SYNPR: variants seen among roughly 807,000 people sequenced by gnomAD.
SYNPR encodes the protein synaptoporin.
SYNPR carries 23 observed loss-of-function variants against 32.9 expected under a neutral mutation model. The observed-to-expected ratio is 0.70, with a 90% CI of 0.50 to 0.99. The LOEUF is 0.99. SYNPR is among the 50% of genes least tolerant of loss of function. The pLI, the probability that SYNPR is intolerant of heterozygous loss-of-function variation, is 0.00. For missense variants in SYNPR, 318 were observed against 349.3 expected, an observed-to-expected ratio of 0.91 and a Z score of 0.71; for synonymous variants, 146 against 135.9, an observed-to-expected ratio of 1.07 and a Z score of -0.52.
At chr3:63,562,740 C>A (rs1027687131) in intron 4 of SYNPR, among the ~76,000 whole-genome samples, 3 of 152,278 alleles carry the variant, frequency 2.0e-5, no homozygotes, top group Admixed American at 6.5e-5. Flanking sequence ...ATATTAGAAA[C>A]CTTGCTTGTA....
At chr3:63,605,725 T>C (rs1000819181) in intron 4 of SYNPR, among the ~76,000 whole-genome samples, 1 of 152,214 alleles carries the variant, frequency 6.6e-6, no homozygotes, top group Non-Finnish European at 1.5e-5. Context: ...GAAAGCATCA[T>C]GATACAATGA....
intron 2 of SYNPR, among the ~76,000 whole-genome samples, chr3:63,318,028 G>C (rs560146835): frequency 1.3e-5 from 2 of 152,098 alleles, no homozygotes; most frequent in South Asian, 4.1e-4. Flanking sequence ...AGTTTTGCTG[G>C]ATACAAAATT....
chr3:63,343,160 G>A (rs1011347789), intron 2 of SYNPR, among the ~76,000 whole-genome samples: 5 of 152,142 alleles, frequency 3.3e-5, no homozygotes, highest in Non-Finnish European at 5.9e-5. Flanking sequence ...AGTGGAAAGA[G>A]CAACAAGGAA....
At chr3:63,295,400 A>G (rs2086784223) in intron 2 of SYNPR, among the ~76,000 whole-genome samples, 1 of 152,180 alleles carries the variant, frequency 6.6e-6, no homozygotes, top group Non-Finnish European at 1.5e-5. Flanking sequence ...GGTTTATAAT[A>G]GCAGAGCTGA....
intron 3 of SYNPR, among the ~76,000 whole-genome samples, chr3:63,497,248 A>G (rs1701390024): frequency 6.6e-6 from 1 of 152,222 alleles, no homozygotes; most frequent in Non-Finnish European, 1.5e-5. Flanking sequence ...ATTAATTTAC[A>G]TCATGGTGCT....
intron 2 of SYNPR, among the ~76,000 whole-genome samples, chr3:63,311,720 T>C (rs1396694006): frequency 6.6e-6 from 1 of 152,058 alleles, no homozygotes; most frequent in Non-Finnish European, 1.5e-5. Flanking sequence ...TGTACATATG[T>C]GTATATATAA....
chr3:63,526,161 T>G (rs541953292), intron 3 of SYNPR, among the ~76,000 whole-genome samples: 3 of 152,270 alleles, frequency 2.0e-5, no homozygotes, highest in African/African-American at 7.2e-5. Context: ...ACTACCAACA[T>G]TGGGGATCAA....
intron 2 of SYNPR, among the ~76,000 whole-genome samples, chr3:63,434,542 A>C (rs1575641907): frequency 6.6e-6 from 1 of 152,266 alleles, no homozygotes; most frequent in East Asian, 1.9e-4. Flanking sequence ...ATCTCAGTGT[A>C]CTGGGCAAGA....
At chr3:63,556,429 A>G (rs1702595382) in intron 3 of SYNPR, 114 bp from the exon 4 acceptor site, 1 of 803,174 alleles carries the variant, frequency 1.2e-6, no homozygotes. Context: ...TTACATAGGC[A>G]TGCACTAAAA....
chr3:63,340,010 TA>T (rs1360514739), intron 2 of SYNPR, among the ~76,000 whole-genome samples: 2 of 152,210 alleles, frequency 1.3e-5, no homozygotes, highest in Non-Finnish European at 2.9e-5. Flanking sequence ...TTAACTCCTG[TA>T]AACCAGTAAT....
upstream of SYNPR, among the ~76,000 whole-genome samples, chr3:63,275,970 T>C (rs1371797647): frequency 6.6e-6 from 1 of 152,166 alleles, no homozygotes; most frequent in Non-Finnish European, 1.5e-5. Flanking sequence ...GCTTAGGTTA[T>C]GTTGTGCTGC....
At chr3:63,519,409 C>A (rs749989917) in intron 3 of SYNPR, among the ~76,000 whole-genome samples, 1 of 152,146 alleles carries the variant, frequency 6.6e-6, no homozygotes, top group Non-Finnish European at 1.5e-5. Context: ...GAGATAAAGT[C>A]TTTTATTAAG....
chr3:63,310,217 T>G (rs527594434), intron 2 of SYNPR, among the ~76,000 whole-genome samples: 1 of 152,100 alleles, frequency 6.6e-6, no homozygotes, highest in South Asian at 2.1e-4. Context: ...TCTCCTTATT[T>G]GTTTTGTTTT....
At chr3:63,482,247 T>G (rs1701063328) in intron 3 of SYNPR, among the ~76,000 whole-genome samples, 1 of 152,194 alleles carries the variant, frequency 6.6e-6, no homozygotes, top group Non-Finnish European at 1.5e-5. Flanking sequence ...ATTGGCCCAG[T>G]GAAAGGCAAC....
At chr3:63,381,198 A>G (rs1009106698) in intron 2 of SYNPR, among the ~76,000 whole-genome samples, 1 of 152,258 alleles carries the variant, frequency 6.6e-6, no homozygotes, top group Non-Finnish European at 1.5e-5. Flanking sequence ...AAGCAACTTC[A>G]GCAAAGTCTC....
In SYNPR at chr3:63,313,717, CCAT is replaced by C. The variant is rs1560188657; in HGVS notation, c.84+34976_84+34978del. Among the ~76,000 whole-genome samples the C allele has an allele frequency of 1.9e-4, 11 of 58,348 alleles. 2 individuals are homozygous for C. The highest frequency in any genetic ancestry group is 8.2e-4 in the African/African-American group (11 of 13,470). The allele number at this position is 58,348 out of a possible 152,430, so 38.3% of individuals were successfully genotyped here. A position where few individuals can be genotyped will look rare whatever the true frequency, so the allele number is the denominator to read the frequency against. On this transcript the variant is annotated intron_variant, in intron 2 of 5. Coordinates refer to ENST00000478300, the MANE Select transcript of SYNPR (RefSeq NM_001130003.2). ...TATATATATATCCATATATATATAT[CCAT>C]ATATATATATCCATATATATATATC...
intron 4 of SYNPR, among the ~76,000 whole-genome samples, chr3:63,576,853 T>C (rs1702991118): frequency 6.6e-6 from 1 of 152,038 alleles, no homozygotes; most frequent in Non-Finnish European, 1.5e-5. Context: ...ATCTAAGCCT[T>C]CTTCCCAATC....
At chr3:63,413,863 A>T (rs1023169868) in intron 2 of SYNPR, among the ~76,000 whole-genome samples, 1 of 152,002 alleles carries the variant, frequency 6.6e-6, no homozygotes, top group African/African-American at 2.4e-5. Flanking sequence ...GGAGTTGAAC[A>T]TTATCAAAAA....
chr3:63,547,900 A>T (rs9856025), intron 3 of SYNPR, among the ~76,000 whole-genome samples: 1 of 152,108 alleles, frequency 6.6e-6, no homozygotes, highest in South Asian at 2.1e-4. Flanking sequence ...GATAACAGAC[A>T]AAAACATTTG....
Sources: gnomAD v4.1 joint callset for allele counts (sites outside exome capture counted in the v4.1 genomes callset) on GRCh38, gnomAD v4.1.1 for gene constraint, MANE v1.5 for transcripts, NCBI Gene and HGNC (gene_info 2026-07-23, HGNC 2026-07-21) for gene names.